The following NINJ1 variants were observed in gnomAD, a reference collection of about 807,000 sequenced individuals.
The protein encoded by NINJ1 is ninjurin-1.
In NINJ1, 6 loss-of-function variants were observed where a neutral mutation model predicts 12.7. The ratio of observed to expected loss-of-function variants is 0.47; its 90% CI spans 0.26 to 0.93. The LOEUF (loss-of-function observed/expected upper bound fraction) is 0.93. Ranked by LOEUF, NINJ1 falls within the 40% of genes least tolerant of loss-of-function variation. NINJ1 has a pLI of 0.15. For missense variants in NINJ1, 170 were observed against 213.0 expected, an observed-to-expected ratio of 0.80 and a Z score of 1.26; for synonymous variants, 100 against 96.0, an observed-to-expected ratio of 1.04 and a Z score of -0.25.
At chr9:93,128,184 C>T (rs773334609) in intron 1 of NINJ1, among the ~76,000 whole-genome samples, 9 of 152,180 alleles carry the variant, frequency 5.9e-5, no homozygotes, top group Non-Finnish European at 8.8e-5. Context: ...CACCCAGCAG[C>T]GCTGTCCCTG....
In NINJ1 at chr9:93,126,737, C is replaced by G. The variant is rs574864844; in HGVS notation, c.76-99G>C. 3 of 856,526 alleles carry G rather than the reference C, an allele frequency of 3.5e-6. No individual in the cohort carries two copies. The Admixed American group carries it at 7.7e-5, about 22-fold the overall frequency. The allele number at this position is 856,526 out of a possible 1,614,324, so 53.1% of individuals were successfully genotyped here. On this transcript the variant is annotated intron_variant, in intron 1 of 3. Coordinates refer to ENST00000375446, the MANE Select transcript of NINJ1 (RefSeq NM_004148.4). Reference sequence around the variant, plus strand: ...GGTCACCGGGCCCTGCAGGTGAGGGCTTCCCTTGCCCCCACCCCTGGTAAG... The same window carrying G: ...GGTCACCGGGCCCTGCAGGTGAGGGGTTCCCTTGCCCCCACCCCTGGTAAG...
chr9:93,127,427 T>C (rs1827830253), intron 1 of NINJ1, among the ~76,000 whole-genome samples: 1 of 152,190 alleles, frequency 6.6e-6, no homozygotes, highest in South Asian at 2.1e-4. Context: ...CCCCAATGCC[T>C]TTCCCTGGTG....
At position 93,124,885 on chromosome 9, in the gene NINJ1, A is replaced by T. The variant is rs756911664; in HGVS notation, c.*9+14T>A. 6.3e-7 allele frequency: 1 copy of T among 1,593,788 alleles called. No homozygotes were observed. ...CCCAGGACTGCAGGCCTCGCGCCCC[A>T]TCTCCCAGCTCACCTGGGTGTCCTA... On this transcript the variant is annotated intron_variant, in intron 3 of 3. Transcript: ENST00000375446.
At chr9:93,125,963 G>C (rs1164071933) in intron 2 of NINJ1, 1 of 171,632 alleles carries the variant, frequency 5.8e-6, no homozygotes, top group Non-Finnish European at 1.3e-5. Flanking sequence ...CAGTATTTTG[G>C]GAGACTGAGG....
At position 93,132,986 on chromosome 9, in the gene NINJ1, C is replaced by A. The variant is rs558885007; in HGVS notation, c.75+1157G>T. ...ACCCTTTGTTCTCTCTTTATAAGAC[C>A]ATGTCTAAAAGGCCCAGCGAGGTGT... On this transcript the variant is annotated intron_variant, in intron 1 of 3. Transcript: ENST00000375446. Among the ~76,000 whole-genome samples the A allele has an allele frequency of 2.6e-5, 4 of 152,308 alleles. No homozygotes were observed. The South Asian group carries it at 8.3e-4, about 32-fold the overall frequency.
chr9:93,133,956 C>CG (rs1278272874), intron 1 of NINJ1, among the ~76,000 whole-genome samples, 187 bp downstream of exon 1: 2 of 152,172 alleles, frequency 1.3e-5, no homozygotes, highest in Non-Finnish European at 2.9e-5. Context: ...GCCCACTTGC[C>CG]GGGGGTGGCT....
At chr9:93,132,604 C>T (rs7042420) in intron 1 of NINJ1, among the ~76,000 whole-genome samples, 66,170 of 152,158 alleles carry the variant, frequency 0.43, 16,033 homozygotes, top group East Asian at 0.64. Flanking sequence ...TCCCAGCCCC[C>T]AGGGAACCCC....
chr9:93,130,114 T>C (rs975093304), intron 1 of NINJ1, among the ~76,000 whole-genome samples: 8 of 152,160 alleles, frequency 5.3e-5, no homozygotes, highest in Non-Finnish European at 1.2e-4. Flanking sequence ...GGTTAATAGA[T>C]TCCCAGAACC....
chr9:93,134,140 T>C lies in NINJ1; in HGVS notation c.75+3A>G, dbSNP rs1436902569. 3 of 1,554,210 alleles carry C rather than the reference T, an allele frequency of 1.9e-6. No individual in the cohort carries two copies. Among genetic ancestry groups the C allele is most frequent in the Admixed American group, 3.8e-5 (2 of 52,206 alleles). The stretch of plus-strand genomic sequence containing the variant: ...TCATGCAGCGGTGGGGGGAAGGTCT[T>C]ACCGAGGCGTCCGGGGAGCCGGGTG... On this transcript the variant is annotated splice_donor_region_variant and intron_variant, in intron 1 of 3. Transcript: ENST00000375446.
At chr9:93,133,713 T>C (rs1827931592) in intron 1 of NINJ1, among the ~76,000 whole-genome samples, 1 of 152,126 alleles carries the variant, frequency 6.6e-6, no homozygotes, top group Non-Finnish European at 1.5e-5. Context: ...GCCCGGAGGC[T>C]GTGACTCCCC....
At chr9:93,129,796 C>T (rs1827865086) in intron 1 of NINJ1, among the ~76,000 whole-genome samples, 1 of 152,200 alleles carries the variant, frequency 6.6e-6, no homozygotes, top group South Asian at 2.1e-4. Context: ...CAGCAGGCCA[C>T]ATTGGGAGCA....
intron 1 of NINJ1, 72 bp from the exon 2 acceptor site, chr9:93,126,710 G>A: frequency 8.2e-7 from 1 of 1,214,410 alleles, no homozygotes; most frequent in Non-Finnish European, 1.2e-6. Flanking sequence ...TCGGGCTCTG[G>A]GGGTCACCGG....
intron 1 of NINJ1, among the ~76,000 whole-genome samples, chr9:93,127,876 G>A (rs1179520364): frequency 6.6e-6 from 1 of 152,264 alleles, no homozygotes; most frequent in Non-Finnish European, 1.5e-5. Context: ...GCCACAGGGA[G>A]GGGCGGACAT....
intron 1 of NINJ1, among the ~76,000 whole-genome samples, chr9:93,130,832 A>G (rs7847349): frequency 0.96 from 146,889 of 152,302 alleles, 70,921 homozygotes; most frequent in African/African-American, 0.99. Flanking sequence ...CCTGGGGCAC[A>G]GGTTCTCCTG....
chr9:93,127,214 C>T (rs1044744364), intron 1 of NINJ1, among the ~76,000 whole-genome samples: 7 of 152,220 alleles, frequency 4.6e-5, no homozygotes, highest in Non-Finnish European at 8.8e-5. Context: ...CGGCCATTAG[C>T]AGCAAGACTT....
chr9:93,125,296 G>T, intron 2 of NINJ1: 1 of 396,264 alleles, frequency 2.5e-6, no homozygotes, highest in Non-Finnish European at 4.5e-6. Context: ...CCCACCTTCT[G>T]TAGCCCCCAT....
chr9:93,128,322 G>C (rs1281108211), intron 1 of NINJ1, among the ~76,000 whole-genome samples: 1 of 152,204 alleles, frequency 6.6e-6, no homozygotes, highest in African/African-American at 2.4e-5. Context: ...AGCACAGCCA[G>C]GGCACTCACC....
chr9:93,124,448 T>C (rs1456830239), intron 3 of NINJ1, among the ~76,000 whole-genome samples: 1 of 152,162 alleles, frequency 6.6e-6, no homozygotes, highest in African/African-American at 2.4e-5. Context: ...CCACTTTTTG[T>C]ATTTTTAGTA....
rs990725943 is a variant in NINJ1 at position 93,125,171 on chromosome 9, T to TAA, written c.305-110_305-109insTT. 5.6e-6 allele frequency: 6 copies of TAA among 1,068,884 alleles called. No individual in the cohort carries two copies. The African/African-American group carries it at 9.6e-5, about 17-fold the overall frequency. 66.2% of individuals were successfully genotyped at this position (1,068,884 alleles called of 1,614,324 possible). On this transcript the variant is annotated intron_variant, in intron 2 of 3. Coordinates refer to ENST00000375446, the MANE Select transcript of NINJ1 (RefSeq NM_004148.4). ...CAGCGGTCAAGCTGTCCTGGGACATTACAGGGCTCTCAGTCGCATTTAGGA... is the reference window on the plus strand; with the variant it reads ...CAGCGGTCAAGCTGTCCTGGGACATTAAACAGGGCTCTCAGTCGCATTTAGGA...
Sources: gnomAD v4.1 joint callset for allele counts (sites outside exome capture counted in the v4.1 genomes callset) on GRCh38, gnomAD v4.1.1 for gene constraint, MANE v1.5 for transcripts, NCBI Gene and HGNC (gene_info 2026-07-23, HGNC 2026-07-21) for gene names.